SAMD12: variants seen among roughly 807,000 people sequenced by gnomAD.
SAMD12 encodes sterile alpha motif domain-containing protein 12.
Under a neutral mutation model 15.0 loss-of-function variants are expected in SAMD12, and 9 were observed. That is an observed-to-expected ratio of 0.60 (90% confidence interval 0.36 to 1.05). The LOEUF is 1.05. Ranked by LOEUF, SAMD12 falls within the 50% of genes least tolerant of loss-of-function variation. The probability of loss-of-function intolerance (pLI) is 0.01; values close to 1 mark genes in which losing one functional copy is unlikely to be tolerated. For synonymous variants in SAMD12, 86 were observed against 90.1 expected (o/e 0.96, Z 0.25); for missense variants, 230 against 234.2 (o/e 0.98, Z 0.12).
At chr8:118,502,210 C>T (rs1047003334) in intron 2 of SAMD12, among the ~76,000 whole-genome samples, 14 of 142,958 alleles carry the variant, frequency 9.8e-5, no homozygotes, top group Non-Finnish European at 1.7e-4. Context: ...CTTCCAGGGA[C>T]TCTATTATAA....
intron 4 of SAMD12, among the ~76,000 whole-genome samples, chr8:118,330,863 A>G (rs114984168): frequency 8.2e-4 from 125 of 152,270 alleles, no homozygotes; most frequent in African/African-American, 2.9e-3. Flanking sequence ...ATCGGGTACA[A>G]TGTTCACTAT....
the SAMD12 span, among the ~76,000 whole-genome samples, chr8:118,179,439 GAAA>G: frequency 3.3e-5 from 3 of 92,286 alleles, no homozygotes; most frequent in Non-Finnish European, 2.2e-5. Flanking sequence ...CTCCGTCTCC[GAAA>G]AAAAAAAAAA....
At chr8:118,604,250 A>G (rs1364739096) in intron 1 of SAMD12, among the ~76,000 whole-genome samples, 2 of 152,224 alleles carry the variant, frequency 1.3e-5, no homozygotes, top group Non-Finnish European at 2.9e-5. Context: ...TACTTGGTAT[A>G]CAAGTAAGCA....
At chr8:118,167,774 T>G in the SAMD12 span, among the ~76,000 whole-genome samples, 17 of 151,956 alleles carry the variant, frequency 1.1e-4, no homozygotes, top group Non-Finnish European at 2.4e-4. Context: ...AGTCCTAACA[T>G]CTCCTCACAG....
intron 4 of SAMD12, among the ~76,000 whole-genome samples, chr8:118,262,602 G>A (rs1055810130): frequency 4.6e-5 from 7 of 152,106 alleles, no homozygotes; most frequent in Admixed American, 4.6e-4. Context: ...TGGCGGCACA[G>A]ACAACATGGA....
At chr8:118,304,044 C>G (rs1815182330) in intron 4 of SAMD12, among the ~76,000 whole-genome samples, 2 of 152,144 alleles carry the variant, frequency 1.3e-5, no homozygotes, top group South Asian at 4.1e-4. Context: ...ATCGAGCCTT[C>G]CTAGTTGTCT....
chr8:118,495,887 T>G (rs553069204), intron 2 of SAMD12, among the ~76,000 whole-genome samples: 1 of 152,164 alleles, frequency 6.6e-6, no homozygotes, highest in African/African-American at 2.4e-5. Flanking sequence ...CTACTTGGGG[T>G]TTAAGAGTAT....
chr8:118,434,802 T>C (rs1044407439), intron 3 of SAMD12, among the ~76,000 whole-genome samples: 7 of 152,142 alleles, frequency 4.6e-5, no homozygotes, highest in African/African-American at 1.7e-4. Flanking sequence ...GTCTTATTCT[T>C]TTTAAAGTGT....
chr8:118,175,141 C>T, the SAMD12 span, among the ~76,000 whole-genome samples: 6 of 151,676 alleles, frequency 4.0e-5, no homozygotes, highest in Middle Eastern at 3.4e-3. Flanking sequence ...CAAAAACAGA[C>T]ACATAGACCC....
At chr8:118,464,191 T>G (rs1396082960) in intron 2 of SAMD12, among the ~76,000 whole-genome samples, 1 of 152,174 alleles carries the variant, frequency 6.6e-6, no homozygotes, top group Non-Finnish European at 1.5e-5. Flanking sequence ...CATATAACCA[T>G]TGTAAAGAAA....
chr8:118,285,443 T>G (rs1813927933), intron 4 of SAMD12, among the ~76,000 whole-genome samples: 1 of 152,240 alleles, frequency 6.6e-6, no homozygotes, highest in Admixed American at 6.5e-5. Context: ...AAAATATGAA[T>G]GTTGTCATTA....
intron 4 of SAMD12, among the ~76,000 whole-genome samples, chr8:118,322,028 C>T (rs918061063): frequency 6.6e-6 from 1 of 152,146 alleles, no homozygotes; most frequent in African/African-American, 2.4e-5. Flanking sequence ...GATTATCCCT[C>T]CTGTTCACCT....
At chr8:118,188,273 G>A (rs1035281236), downstream of SAMD12, among the ~76,000 whole-genome samples, 2 of 152,142 alleles carry the variant, frequency 1.3e-5, no homozygotes, top group African/African-American at 4.8e-5. Context: ...TTAAGACAAA[G>A]AGAATATTTT....
At chr8:118,552,123 T>C (rs1826357808) in intron 2 of SAMD12, among the ~76,000 whole-genome samples, 1 of 152,204 alleles carries the variant, frequency 6.6e-6, no homozygotes, top group Non-Finnish European at 1.5e-5. Context: ...TACCATTCCC[T>C]CTGAAACTAT....
At chr8:118,283,919 A>C (rs996715993) in intron 4 of SAMD12, among the ~76,000 whole-genome samples, 1 of 152,200 alleles carries the variant, frequency 6.6e-6, no homozygotes, top group Non-Finnish European at 1.5e-5. Flanking sequence ...AAAAATACTA[A>C]GCGTGGAGAA....
exon 5 of SAMD12, chr8:118,194,720 C>G (rs1376304769): frequency 1.3e-5 from 2 of 152,168 alleles, no homozygotes; most frequent in African/African-American, 4.8e-5. Flanking sequence ...ACAACTATTT[C>G]TGGATTTCTA....
At chr8:118,269,599 T>G (rs965101228) in intron 4 of SAMD12, among the ~76,000 whole-genome samples, 1 of 151,984 alleles carries the variant, frequency 6.6e-6, no homozygotes, top group African/African-American at 2.4e-5. Context: ...TACCTGAGAG[T>G]TGCCTCAGTC....
intron 4 of SAMD12, among the ~76,000 whole-genome samples, chr8:118,344,346 T>A (rs1027132197): frequency 6.6e-6 from 1 of 152,232 alleles, no homozygotes; most frequent in Admixed American, 6.5e-5. Flanking sequence ...TAGGCCAACT[T>A]CGTAAGAATT....
Position 118,318,327 on chromosome 8 carries a change from T to TATATATATATATATATAC in SAMD12, c.433+61232_433+61233insGTATATATATATATATAT, listed in dbSNP as rs1563758923. ...ATATATGTGTATATATATATATATA[T>TATATATATATATATATAC]ATATATATATATATATATATATATA... On this transcript the variant is annotated intron_variant, in intron 4 of 4. Transcript: ENST00000409003. 6.3e-3 allele frequency among the ~76,000 whole-genome samples: 222 copies of TATATATATATATATATAC among 35,030 alleles called. 2 individuals carry two copies. The highest frequency in any genetic ancestry group is 0.015 in the Non-Finnish European group (162 of 10,688). 23.0% of individuals were successfully genotyped at this position (35,030 alleles called of 152,430 possible). A position where few individuals can be genotyped will look rare whatever the true frequency, so the allele number is the denominator to read the frequency against.
Sources: gnomAD v4.1 joint callset for allele counts (sites outside exome capture counted in the v4.1 genomes callset) on GRCh38, gnomAD v4.1.1 for gene constraint, MANE v1.5 for transcripts, NCBI Gene and HGNC (gene_info 2026-07-23, HGNC 2026-07-21) for gene names.